Variants in FBXO21 observed in about 807,000 individuals in gnomAD.
FBXO21 encodes the protein F-box protein 21.
FBXO21 carries 32 observed loss-of-function variants against 76.6 expected under a neutral mutation model. The observed-to-expected ratio is 0.42, with a 90% CI of 0.32 to 0.56. The LOEUF (loss-of-function observed/expected upper bound fraction) is 0.56. Ranked by LOEUF, FBXO21 falls within the 20% of genes least tolerant of loss-of-function variation. The probability of loss-of-function intolerance (pLI) is 0.16; values close to 1 mark genes in which losing one functional copy is unlikely to be tolerated. For missense variants in FBXO21, 586 were observed against 797.3 expected (o/e 0.73, Z 3.19); for synonymous variants, 328 against 311.5 (o/e 1.05, Z -0.56).
chr12:117,180,141 A>G (rs532073984), intron 3 of FBXO21, among the ~76,000 whole-genome samples: 1 of 144,600 alleles, frequency 6.9e-6, no homozygotes, highest in Non-Finnish European at 1.5e-5. Flanking sequence ...TTAGGTTTCC[A>G]GGATGCACCA....
At chr12:117,168,925 A>G (rs1257216330) in intron 7 of FBXO21, among the ~76,000 whole-genome samples, 1 of 152,192 alleles carries the variant, frequency 6.6e-6, no homozygotes, top group South Asian at 2.1e-4. Flanking sequence ...TGATTCCTCA[A>G]AGGCCTGAAG....
chr12:117,182,355 T>C (rs1192532718), intron 3 of FBXO21, among the ~76,000 whole-genome samples: 2 of 152,066 alleles, frequency 1.3e-5, no homozygotes, highest in Non-Finnish European at 2.9e-5. Flanking sequence ...CCAGGCATGA[T>C]GGTACATGCC....
At chr12:117,169,179 T>C (rs56014034) in intron 7 of FBXO21, among the ~76,000 whole-genome samples, 27,176 of 152,158 alleles carry the variant, frequency 0.18, 3,124 homozygotes, top group Admixed American at 0.34. Context: ...TGCAGGGATA[T>C]GGATGGAGCT....
intron 3 of FBXO21, 51 bp downstream of exon 3, chr12:117,186,426 T>A (rs1172807670): frequency 8.3e-7 from 1 of 1,204,576 alleles, no homozygotes; most frequent in Non-Finnish European, 1.2e-6. Flanking sequence ...TTACAGCAAT[T>A]TACTCTGGAC....
intron 7 of FBXO21, among the ~76,000 whole-genome samples, chr12:117,169,790 C>T (rs989158206): frequency 3.3e-5 from 5 of 152,070 alleles, no homozygotes; most frequent in African/African-American, 1.2e-4. Context: ...TACAGGCGTG[C>T]GTCACCGTGC....
At chr12:117,165,384 T>G in intron 9 of FBXO21, 101 bp downstream of exon 9, 1 of 1,196,248 alleles carries the variant, frequency 8.4e-7, no homozygotes, top group Non-Finnish European at 1.2e-6. Context: ...AATTTGTGTT[T>G]ATTCCCCATG....
intron 3 of FBXO21, among the ~76,000 whole-genome samples, chr12:117,182,793 C>G (rs943917963): frequency 1.3e-5 from 2 of 151,900 alleles, no homozygotes; most frequent in African/African-American, 4.8e-5. Flanking sequence ...GAACTCCTGA[C>G]CTCAAGTGAT....
At chr12:117,163,063 AG>A (rs1956002800) in intron 9 of FBXO21, among the ~76,000 whole-genome samples, 1 of 152,134 alleles carries the variant, frequency 6.6e-6, no homozygotes, top group South Asian at 2.1e-4. Flanking sequence ...GCATTTATTA[AG>A]GGTAGGCAGT....
chr12:117,186,012 A>G (rs951636958), intron 3 of FBXO21, among the ~76,000 whole-genome samples: 6 of 151,980 alleles, frequency 3.9e-5, no homozygotes, highest in Admixed American at 1.3e-4. Flanking sequence ...AGCTGGGATT[A>G]CAGGTGTGTA....
rs766002398 is a variant in FBXO21 at position 117,189,319 on chromosome 12, T to C, written c.283A>G (p.Asn95Asp). Residue 95 changes from asparagine (N) to aspartate (D), a missense_variant, in exon 2 of 12, where the codon AAT becomes GAT. Physicochemically the swap from Asn to Asp is conservative, Grantham distance 23 (BLOSUM62 1). This residue lies in a region of FBXO21 where 246 missense variants were observed against 356.8 expected (regional missense o/e 0.69). Transcript: ENST00000622495. ...CGAACTTTATACTCTTCCAACCAAT[T>C]GACGTAGTCGGTGGGGCTGTAGTGT... Reference protein sequence around the residue: ...MKHYSPTDYVNWLEEYKVRQK... With the variant: ...MKHYSPTDYVDWLEEYKVRQK... 6.2e-7 allele frequency: 1 copy of C among 1,614,120 alleles called. No individual in the cohort carries two copies. Among genetic ancestry groups the C allele is most frequent in the African/African-American group, 1.3e-5 (1 of 75,012 alleles).
At chr12:117,185,788 A>G (rs951521523) in intron 3 of FBXO21, among the ~76,000 whole-genome samples, 3 of 152,240 alleles carry the variant, frequency 2.0e-5, no homozygotes, top group African/African-American at 7.2e-5. Flanking sequence ...TATTATTTTT[A>G]AATTAAAAGA....
intron 11 of FBXO21, among the ~76,000 whole-genome samples, chr12:117,150,871 C>CTCTGTGTGTGTG (rs1555239212): frequency 2.4e-5 from 3 of 127,630 alleles, no homozygotes; most frequent in African/African-American, 9.0e-5. Flanking sequence ...TGGCCATGGA[C>CTCTGTGTGTGTG]TGTGTGTGTG....
In FBXO21 at chr12:117,155,781, C is replaced by G; in HGVS notation, c.1675+10G>C. 1 of 1,609,712 alleles carries G rather than the reference C, an allele frequency of 6.2e-7. No homozygotes were observed. The highest frequency in any genetic ancestry group is 8.5e-7 in the Non-Finnish European group (1 of 1,177,684). On this transcript the variant is annotated intron_variant, in intron 11 of 11. Coordinates refer to ENST00000622495, the MANE Select transcript of FBXO21 (RefSeq NM_015002.3). ...CGGGGCCACTGGCACAAGCGGAACC[C>G]GCCGCTTACCTTGGGCTGCGTATCG...
At chr12:117,174,941 C>T (rs981831747) in intron 4 of FBXO21, 144 bp from the exon 5 acceptor site, 9 of 621,326 alleles carry the variant, frequency 1.4e-5, no homozygotes, top group African/African-American at 1.3e-4. Flanking sequence ...GACCTTGCTG[C>T]TAACACACTG....
intron 7 of FBXO21, 84 bp from the exon 8 acceptor site, chr12:117,167,161 G>C (rs1956062820): frequency 5.0e-6 from 5 of 1,003,514 alleles, no homozygotes; most frequent in African/African-American, 3.2e-5. Context: ...ATCATGGGCT[G>C]AAGGTTGAGA....
intron 3 of FBXO21, among the ~76,000 whole-genome samples, chr12:117,182,001 C>T (rs1219296885): frequency 1.3e-5 from 2 of 151,740 alleles, no homozygotes; most frequent in Admixed American, 6.6e-5. Flanking sequence ...GTAGGACATA[C>T]TCGTTTTTAA....
chr12:117,157,997 C>T lies in FBXO21; in HGVS notation c.1393G>A (p.Val465Met). Residue 465 changes from valine to methionine, a missense_variant, in exon 10 of 12, where the codon GTG (valine) becomes ATG (methionine). By Grantham distance (21) the Val-to-Met change is conservative. Around this residue, in one of 6 missense-constraint regions of FBXO21, gnomAD observed 164 missense variants for 236.7 expected, o/e 0.69. Coordinates refer to ENST00000622495, the MANE Select transcript of FBXO21 (RefSeq NM_015002.3). The stretch of plus-strand genomic sequence containing the variant: ...TCAATGTGCTCTAGAGTGTGCTGCA[C>T]CAGGTAGCCCACCGCCCCGTGCTGC... ...PGQHGAVGYL[V>M]QHTLEHIERK... 2.5e-6 allele frequency: 4 copies of T among 1,614,210 alleles called. No individual in the cohort carries two copies. Among genetic ancestry groups the T allele is most frequent in the Non-Finnish European group, 2.5e-6 (3 of 1,180,028 alleles).
At chr12:117,159,976 C>G (rs560560807) in intron 9 of FBXO21, among the ~76,000 whole-genome samples, 4 of 152,322 alleles carry the variant, frequency 2.6e-5, no homozygotes, top group African/African-American at 9.6e-5. Context: ...GACCCAGGCA[C>G]CATGCCGTCC....
intron 11 of FBXO21, among the ~76,000 whole-genome samples, chr12:117,151,416 T>C (rs990017529): frequency 6.6e-6 from 1 of 152,214 alleles, no homozygotes; most frequent in Admixed American, 6.5e-5. Context: ...AGATGTCATA[T>C]ATGTATGTGA....
Sources: gnomAD v4.1 joint callset for allele counts (sites outside exome capture counted in the v4.1 genomes callset) on GRCh38, gnomAD v4.1.1 for gene constraint, gnomAD v4.1.1 regional missense constraint, MANE v1.5 for transcripts, NCBI Gene and HGNC (gene_info 2026-07-23, HGNC 2026-07-21) for gene names.